PCDH15: variants seen among roughly 807,000 people sequenced by gnomAD.
PCDH15 encodes the protein protocadherin related 15.
Under a neutral mutation model 178.5 loss-of-function variants are expected in PCDH15, and 129 were observed. That is an observed-to-expected ratio of 0.72 (90% CI 0.63 to 0.84). PCDH15 has a LOEUF of 0.84. Among genes scored for constraint, PCDH15 ranks in the 40% least tolerant of loss-of-function variants. PCDH15 has a pLI of 0.00. For missense variants in PCDH15, 2,230 were observed against 2,099.9 expected (o/e 1.06, Z -1.21); for synonymous variants, 800 against 732.0 (o/e 1.09, Z -1.50).
At chr10:55,495,701 C>T (rs1474061094) in intron 2 of PCDH15, among the ~76,000 whole-genome samples, 1 of 151,632 alleles carries the variant, frequency 6.6e-6, no homozygotes, top group East Asian at 1.9e-4. Flanking sequence ...TCAAAATTTT[C>T]AACATATGAC....
chr10:55,546,758 TCC>T (rs1260612307), intron 2 of PCDH15, among the ~76,000 whole-genome samples: 2 of 152,124 alleles, frequency 1.3e-5, no homozygotes, highest in Non-Finnish European at 2.9e-5. Context: ...TTACTTGAAC[TCC>T]CATCTTGTTC....
At chr10:55,498,784 C>T (rs1280933337) in intron 2 of PCDH15, among the ~76,000 whole-genome samples, 7 of 151,784 alleles carry the variant, frequency 4.6e-5, no homozygotes, top group Non-Finnish European at 1.0e-4. Flanking sequence ...GCTATGCATG[C>T]TACATAATGG....
At chr10:54,581,040 A>G (rs1303306627) in intron 2 of PCDH15, among the ~76,000 whole-genome samples, 2 of 152,114 alleles carry the variant, frequency 1.3e-5, no homozygotes, top group African/African-American at 2.4e-5. Context: ...GAACTGGAAC[A>G]AAGCAAGGAT....
chr10:54,587,683 T>C (rs1244378089), intron 2 of PCDH15, among the ~76,000 whole-genome samples: 2 of 152,174 alleles, frequency 1.3e-5, no homozygotes, highest in Non-Finnish European at 2.9e-5. Context: ...TTGTAAGCCA[T>C]GTAAGAAGAA....
At chr10:53,958,698 T>C (rs1444107293) in intron 23 of PCDH15, among the ~76,000 whole-genome samples, 4 of 151,986 alleles carry the variant, frequency 2.6e-5, no homozygotes, top group Non-Finnish European at 5.9e-5. Context: ...CTTTCTGTTG[T>C]GGCCGGGCAC....
intron 2 of PCDH15, among the ~76,000 whole-genome samples, chr10:55,457,599 A>G (rs1167392584): frequency 2.0e-5 from 3 of 152,192 alleles, no homozygotes; most frequent in East Asian, 3.9e-4. Context: ...GAGAGAAAAC[A>G]ATTAATTAGC....
At chr10:54,737,491 T>C (rs1325394871) in intron 1 of PCDH15, among the ~76,000 whole-genome samples, 1 of 152,148 alleles carries the variant, frequency 6.6e-6, no homozygotes, top group Non-Finnish European at 1.5e-5. Flanking sequence ...AATGAGTTAG[T>C]AAATTCCAAA....
intron 1 of PCDH15, among the ~76,000 whole-genome samples, chr10:55,314,197 G>GTATACATA (rs1025773854): frequency 1.7e-5 from 2 of 119,774 alleles, no homozygotes; most frequent in African/African-American, 8.0e-5. Flanking sequence ...ATATGTTTGT[G>GTATACATA]TGTATATATA....
chr10:54,051,786 AG>A (rs1276964877), intron 18 of PCDH15, among the ~76,000 whole-genome samples: 1 of 152,186 alleles, frequency 6.6e-6, no homozygotes, highest in Non-Finnish European at 1.5e-5. Context: ...AGACCTGCAC[AG>A]CATCCTTTCC....
chr10:54,383,294 A>C (rs1239083128), intron 3 of PCDH15, among the ~76,000 whole-genome samples: 2 of 152,166 alleles, frequency 1.3e-5, no homozygotes, highest in African/African-American at 4.8e-5. Flanking sequence ...AGAAGGCAAC[A>C]GTTTATTCAC....
At chr10:55,531,564 C>G (rs1841455075) in intron 2 of PCDH15, among the ~76,000 whole-genome samples, 1 of 151,984 alleles carries the variant, frequency 6.6e-6, no homozygotes, top group Non-Finnish European at 1.5e-5. Context: ...GGCAATATGA[C>G]TACCCTTCAT....
At chr10:53,888,766 C>A (rs1271448541) in intron 26 of PCDH15, among the ~76,000 whole-genome samples, 1 of 129,214 alleles carries the variant, frequency 7.7e-6, no homozygotes, top group East Asian at 2.3e-4. Context: ...ACAGAGAGAG[C>A]CAAGAGAAGC....
intron 2 of PCDH15, among the ~76,000 whole-genome samples, chr10:55,402,194 G>A (rs1021235573): frequency 7.3e-5 from 11 of 151,552 alleles, no homozygotes; most frequent in Admixed American, 2.0e-4. Context: ...GCTTTGGCAT[G>A]AACCATTGGG....
chr10:54,125,421 C>T (rs2132942363), intron 15 of PCDH15, among the ~76,000 whole-genome samples: 1 of 152,178 alleles, frequency 6.6e-6, no homozygotes, highest in South Asian at 2.1e-4. Context: ...TTTTATTTTA[C>T]TTTTGTTAAG....
chr10:55,089,580 A>T (rs1842263018), intron 2 of PCDH15, among the ~76,000 whole-genome samples: 2 of 152,148 alleles, frequency 1.3e-5, no homozygotes, highest in African/African-American at 4.8e-5. Context: ...AAATAAACAA[A>T]TTCCGCTTCT....
At chr10:54,931,445 C>T (rs917589859) in intron 2 of PCDH15, among the ~76,000 whole-genome samples, 12 of 152,142 alleles carry the variant, frequency 7.9e-5, no homozygotes, top group African/African-American at 2.2e-4. Flanking sequence ...CACTAGTGGG[C>T]AACCAGTGAA....
At chr10:54,934,830 A>C (rs1436987391) in intron 2 of PCDH15, among the ~76,000 whole-genome samples, 1 of 152,038 alleles carries the variant, frequency 6.6e-6, no homozygotes, top group East Asian at 1.9e-4. Flanking sequence ...GAACCAACCC[A>C]AATGTCCAAC....
intron 11 of PCDH15, among the ~76,000 whole-genome samples, chr10:54,191,681 G>GT (rs760182124): frequency 6.7e-6 from 1 of 149,902 alleles, no homozygotes; most frequent in Non-Finnish European, 1.5e-5. Flanking sequence ...CAAGGTGGGT[G>GT]TATCACTTGA....
chr10:55,196,808 C>T (rs1204707567), intron 1 of PCDH15, among the ~76,000 whole-genome samples: 2 of 151,748 alleles, frequency 1.3e-5, no homozygotes, highest in East Asian at 1.9e-4. Context: ...GTCTTACTCA[C>T]GATGAATTAT....
Sources: allele counts gnomAD v4.1 joint callset (sites outside exome capture counted in the v4.1 genomes callset), GRCh38; gene constraint gnomAD v4.1.1; transcripts MANE v1.5; gene names NCBI Gene and HGNC (gene_info 2026-07-23, HGNC 2026-07-21).